The following C9orf85 variants were observed in gnomAD, a reference collection of about 807,000 sequenced individuals.
The protein encoded by C9orf85 is uncharacterized protein C9orf85.
A neutral mutation model predicts 14.9 loss-of-function variants in C9orf85; 16 were observed. The observed-to-expected ratio is 1.08, with a 90% CI of 0.73 to 1.63. The LOEUF (loss-of-function observed/expected upper bound fraction) is 1.63. Ranked by LOEUF, C9orf85 falls within the 40% of genes most tolerant of loss-of-function variation. The probability of loss-of-function intolerance (pLI) is 0.00; values close to 1 mark genes in which losing one functional copy is unlikely to be tolerated. For synonymous variants in C9orf85, 45 were observed against 56.8 expected, an observed-to-expected ratio of 0.79 and a Z score of 0.93; for missense variants, 172 against 186.1, an observed-to-expected ratio of 0.92 and a Z score of 0.44.
intron 1 of C9orf85, among the ~76,000 whole-genome samples, chr9:71,915,316 G>A (rs150690924): frequency 6.6e-6 from 1 of 151,758 alleles, no homozygotes; most frequent in Non-Finnish European, 1.5e-5. Flanking sequence ...AAGTAGCTGG[G>A]ATTTCAGGGG....
chr9:71,943,166 A>G (rs371556985), intron 1 of C9orf85, among the ~76,000 whole-genome samples: 1 of 152,206 alleles, frequency 6.6e-6, no homozygotes, highest in African/African-American at 2.4e-5. Flanking sequence ...CTGCAGGGAA[A>G]AGAACAAAGC....
intron 2 of C9orf85, among the ~76,000 whole-genome samples, chr9:71,965,416 G>C (rs1822662559): frequency 1.4e-4 from 1 of 7,276 alleles, no homozygotes; most frequent in African/African-American, 3.7e-4. Context: ...AGGAAATTCA[G>C]CTAGTCCTGT....
At chr9:71,925,433 T>C (rs1564083993) in intron 1 of C9orf85, among the ~76,000 whole-genome samples, 1 of 152,182 alleles carries the variant, frequency 6.6e-6, no homozygotes, top group Non-Finnish European at 1.5e-5. Flanking sequence ...GGCAGGAGTT[T>C]TCTTTTTCCC....
intron 2 of C9orf85, among the ~76,000 whole-genome samples, chr9:71,960,084 G>A (rs986596748): frequency 1.3e-5 from 2 of 152,198 alleles, no homozygotes; most frequent in African/African-American, 4.8e-5. Context: ...AAAGGAGAAA[G>A]AGATGCAGAG....
At chr9:71,952,790 C>T (rs1426877386) in intron 2 of C9orf85, among the ~76,000 whole-genome samples, 1 of 151,924 alleles carries the variant, frequency 6.6e-6, no homozygotes, top group African/African-American at 2.4e-5. Context: ...ACCAAGCAAC[C>T]TTTTCTCCTA....
rs1822073971 is a variant in C9orf85, at chr9:71,945,844, T to C, written c.103-1162T>C. 4.0e-5 allele frequency among the ~76,000 whole-genome samples: 6 copies of C among 151,378 alleles called. No individual in the cohort carries two copies. The South Asian group carries it at 1.3e-3, about 32-fold the overall frequency. Reference sequence around the variant, plus strand: ...AGCAAAGAAAATTTTAAATGTCTTCTGCTCATTATTCCAACAATAGGCAAA... The same window carrying C: ...AGCAAAGAAAATTTTAAATGTCTTCCGCTCATTATTCCAACAATAGGCAAA... On this transcript the variant is annotated intron_variant, in intron 1 of 3. Transcript: ENST00000334731.
At chr9:71,916,036 A>C (rs1827641681) in intron 1 of C9orf85, among the ~76,000 whole-genome samples, 1 of 152,222 alleles carries the variant, frequency 6.6e-6, no homozygotes, top group Non-Finnish European at 1.5e-5. Flanking sequence ...ATACAGTCAC[A>C]GTCTTAATTG....
chr9:71,972,468 A>G (rs1177342599), intron 3 of C9orf85, among the ~76,000 whole-genome samples: 1 of 152,198 alleles, frequency 6.6e-6, no homozygotes, highest in Non-Finnish European at 1.5e-5. Flanking sequence ...CACGTTGGCC[A>G]GGCTGGTTTC....
chr9:71,978,483 A>G (rs1038356363), intron 3 of C9orf85, among the ~76,000 whole-genome samples: 4 of 152,314 alleles, frequency 2.6e-5, no homozygotes, highest in African/African-American at 9.6e-5. Flanking sequence ...TTTTTAAAAT[A>G]TAGTTTTTTT....
chr9:71,931,527 AGGCAGTATGGAATAGTGG>A (rs1281828087), intron 1 of C9orf85, among the ~76,000 whole-genome samples: 1 of 152,198 alleles, frequency 6.6e-6, no homozygotes, highest in East Asian at 1.9e-4. Context: ...TCCAAAAGAA[AGGCAGTATGGAATAGTGG>A]GGCAAATGAT....
intron 1 of C9orf85, among the ~76,000 whole-genome samples, chr9:71,928,470 G>C (rs1449172461): frequency 1.3e-5 from 2 of 152,128 alleles, no homozygotes; most frequent in African/African-American, 4.8e-5. Context: ...GTACATACTA[G>C]CTCATATTTT....
intron 2 of C9orf85, among the ~76,000 whole-genome samples, chr9:71,949,566 G>A (rs184253550): frequency 2.0e-5 from 3 of 152,148 alleles, no homozygotes; most frequent in Admixed American, 2.0e-4. Context: ...CTCACCCTTG[G>A]CTCTCTAACA....
At chr9:71,976,554 T>C (rs975380453), downstream of C9orf85, among the ~76,000 whole-genome samples, 3 of 151,496 alleles carry the variant, frequency 2.0e-5, no homozygotes, top group Non-Finnish European at 4.4e-5. Context: ...CCCAGCTACT[T>C]GCGAGGCTGA....
At chr9:71,983,990 A>G (rs1823156472), downstream of C9orf85, 1 of 152,268 alleles carries the variant, frequency 6.6e-6, no homozygotes, top group Non-Finnish European at 1.5e-5. Flanking sequence ...AAAGAAAAAA[A>G]GAATAACTGG....
At chr9:71,934,189 C>T (rs1564087146) in intron 1 of C9orf85, among the ~76,000 whole-genome samples, 1 of 17,042 alleles carries the variant, frequency 5.9e-5, no homozygotes, top group Non-Finnish European at 1.4e-3. Flanking sequence ...ACTAAAAATA[C>T]AAAAATTAGA....
chr9:71,964,545 A>G (rs769400300), intron 2 of C9orf85, among the ~76,000 whole-genome samples: 37 of 152,070 alleles, frequency 2.4e-4, no homozygotes, highest in Non-Finnish European at 4.7e-4. Context: ...CTCACCGTGA[A>G]GGTCTGCAGC....
intron 1 of C9orf85, chr9:71,918,324 A>T: frequency 1.6e-6 from 1 of 613,362 alleles, no homozygotes; most frequent in Non-Finnish European, 2.5e-6. Context: ...TTTATTCTTC[A>T]GAAATAAAAA....
downstream of C9orf85, chr9:71,984,284 T>C (rs1409132286): frequency 6.6e-6 from 1 of 152,226 alleles, no homozygotes; most frequent in Non-Finnish European, 1.5e-5. Flanking sequence ...CATCAGTTTT[T>C]TTCTGCAGAA....
chr9:71,968,178 A>G (rs1048442899), intron 2 of C9orf85, among the ~76,000 whole-genome samples: 4 of 151,956 alleles, frequency 2.6e-5, no homozygotes, highest in African/African-American at 7.3e-5. Context: ...AGATGTTTAT[A>G]TATTGCTGGA....
Sources: allele counts gnomAD v4.1 joint callset (sites outside exome capture counted in the v4.1 genomes callset), GRCh38; gene constraint gnomAD v4.1.1; transcripts MANE v1.5; gene names NCBI Gene and HGNC (gene_info 2026-07-23, HGNC 2026-07-21).